The following NFIB variants were observed in gnomAD, a reference collection of about 807,000 sequenced individuals.
NFIB encodes the protein nuclear factor 1 B-type.
Under a neutral mutation model 61.5 loss-of-function variants are expected in NFIB, and 11 were observed. That is an observed-to-expected ratio of 0.18 (90% confidence interval 0.11 to 0.30). The LOEUF (loss-of-function observed/expected upper bound fraction) is 0.30. NFIB is among the 10% of genes least tolerant of loss of function. NFIB has a pLI of 1.00. For missense variants in NFIB, 471 were observed against 608.9 expected (o/e 0.77, Z 2.38); for synonymous variants, 260 against 216.5 (o/e 1.20, Z -1.76).
chr9:14,426,554 T>A, the NFIB span, among the ~76,000 whole-genome samples: 1 of 152,224 alleles, frequency 6.6e-6, no homozygotes, highest in Non-Finnish European at 1.5e-5. Flanking sequence ...ATCTTATGAA[T>A]CTTTAAAAGC....
the NFIB span, among the ~76,000 whole-genome samples, chr9:14,467,914 A>T: frequency 6.6e-6 from 1 of 152,232 alleles, no homozygotes; most frequent in African/African-American, 2.4e-5. Flanking sequence ...TAGGTATTAA[A>T]TGGTGGAAAT....
intron 2 of NFIB, among the ~76,000 whole-genome samples, chr9:14,221,719 G>A (rs1347965731): frequency 6.6e-6 from 1 of 152,178 alleles, no homozygotes; most frequent in African/African-American, 2.4e-5. Flanking sequence ...CAAATTCCAA[G>A]CCAAGCTGGC....
the NFIB span, among the ~76,000 whole-genome samples, chr9:14,427,937 G>GTTGTTTTTTTTTTTT: frequency 1.4e-4 from 6 of 43,384 alleles, no homozygotes; most frequent in African/African-American, 1.6e-4. Context: ...TAATTCAGTT[G>GTTGTTTTTTTTTTTT]TTTTTTTTTT....
intron 6 of NFIB, among the ~76,000 whole-genome samples, chr9:14,142,582 T>G (rs536742069): frequency 6.6e-6 from 1 of 152,124 alleles, no homozygotes; most frequent in Non-Finnish European, 1.5e-5. Flanking sequence ...AAAAGATTGC[T>G]CTAAAGAAAA....
chr9:14,482,274 C>T, the NFIB span, among the ~76,000 whole-genome samples: 2 of 152,246 alleles, frequency 1.3e-5, no homozygotes, highest in African/African-American at 2.4e-5. Flanking sequence ...CTGCCAGATA[C>T]AGTGCCCTGA....
At chr9:14,439,045 T>A in the NFIB span, among the ~76,000 whole-genome samples, 7 of 152,102 alleles carry the variant, frequency 4.6e-5, no homozygotes, top group Admixed American at 4.6e-4. Context: ...GCCAACAGGG[T>A]TCTAACCAAT....
At chr9:14,408,050 T>C in the NFIB span, among the ~76,000 whole-genome samples, 10 of 152,208 alleles carry the variant, frequency 6.6e-5, no homozygotes, top group Admixed American at 1.3e-4. Context: ...TTCACATTTG[T>C]ATTCTAAATG....
intron 1 of NFIB, among the ~76,000 whole-genome samples, chr9:14,349,117 A>T (rs1270396807): frequency 6.6e-6 from 1 of 152,216 alleles, no homozygotes; most frequent in Non-Finnish European, 1.5e-5. Context: ...GCGAGCAAAC[A>T]GATCTCTGTA....
At chr9:14,360,230 G>A (rs1353992981) in intron 1 of NFIB, among the ~76,000 whole-genome samples, 1 of 152,160 alleles carries the variant, frequency 6.6e-6, no homozygotes, top group Non-Finnish European at 1.5e-5. Context: ...CTTATCTAAA[G>A]CATTCGATTC....
chr9:14,342,241 G>T (rs1042261518), intron 1 of NFIB, among the ~76,000 whole-genome samples: 5 of 152,164 alleles, frequency 3.3e-5, no homozygotes, highest in African/African-American at 1.2e-4. Flanking sequence ...TCCCACCCAA[G>T]AACAAATTAT....
intron 2 of NFIB, among the ~76,000 whole-genome samples, chr9:14,199,842 C>T (rs1446039436): frequency 6.6e-6 from 1 of 152,146 alleles, no homozygotes; most frequent in African/African-American, 2.4e-5. Context: ...CACCCAGTTT[C>T]CACTCAGCTA....
intron 2 of NFIB, among the ~76,000 whole-genome samples, chr9:14,203,361 C>G (rs1398683777): frequency 1.3e-5 from 2 of 152,132 alleles, no homozygotes; most frequent in African/African-American, 4.8e-5. Context: ...TATTACAGAC[C>G]TAAAGTATCT....
At chr9:14,156,804 G>A (rs2043466406) in intron 3 of NFIB, among the ~76,000 whole-genome samples, 1 of 152,174 alleles carries the variant, frequency 6.6e-6, no homozygotes, top group Non-Finnish European at 1.5e-5. Flanking sequence ...TTCTGTCCTA[G>A]GGTGAGAATA....
At chr9:14,125,015 TA>T (rs1246526515) in intron 7 of NFIB, among the ~76,000 whole-genome samples, 1 of 152,202 alleles carries the variant, frequency 6.6e-6, no homozygotes, top group Non-Finnish European at 1.5e-5. Context: ...TTTCCCTTAG[TA>T]AAATATCAGG....
intron 2 of NFIB, among the ~76,000 whole-genome samples, chr9:14,228,060 C>A (rs2052656679): frequency 6.6e-6 from 1 of 152,052 alleles, no homozygotes; most frequent in Non-Finnish European, 1.5e-5. Flanking sequence ...CATTTTCTAT[C>A]TTTTGAAGAC....
intron 10 of NFIB, among the ~76,000 whole-genome samples, chr9:14,102,707 T>C (rs1400441227): frequency 6.6e-6 from 1 of 151,954 alleles, no homozygotes; most frequent in African/African-American, 2.4e-5. Context: ...TAGAAAAAGC[T>C]ATTGCAATAT....
chr9:14,326,868 T>C (rs1341661953), intron 1 of NFIB, among the ~76,000 whole-genome samples: 1 of 152,150 alleles, frequency 6.6e-6, no homozygotes, highest in Non-Finnish European at 1.5e-5. Context: ...CTATTTATGT[T>C]TTTAAGACTT....
At chr9:14,464,495 A>C in the NFIB span, among the ~76,000 whole-genome samples, 1 of 152,196 alleles carries the variant, frequency 6.6e-6, no homozygotes, top group Admixed American at 6.5e-5. Context: ...CTTTGAACAA[A>C]AACAGAACCT....
chr9:14,440,601 G>GTCCAA, the NFIB span, among the ~76,000 whole-genome samples: 1 of 152,192 alleles, frequency 6.6e-6, no homozygotes. Context: ...GAAAGAGACT[G>GTCCAA]CTGTCCAACT....
Sources: allele counts gnomAD v4.1 joint callset (sites outside exome capture counted in the v4.1 genomes callset), GRCh38; gene constraint gnomAD v4.1.1; transcripts MANE v1.5; gene names NCBI Gene and HGNC (gene_info 2026-07-23, HGNC 2026-07-21).